SEMA5A: variants seen among roughly 807,000 people sequenced by gnomAD.
The protein encoded by SEMA5A is semaphorin-5A.
A neutral mutation model predicts 135.5 loss-of-function variants in SEMA5A; 55 were observed. That is an observed-to-expected ratio of 0.41 (90% CI 0.33 to 0.51). SEMA5A has a LOEUF of 0.51. Among genes scored for constraint, SEMA5A ranks in the 20% least tolerant of loss-of-function variants. SEMA5A has a pLI of 0.37. For synonymous variants in SEMA5A, 580 were observed against 546.5 expected (o/e 1.06, Z -0.85); for missense variants, 1,290 against 1,419.9 (o/e 0.91, Z 1.47).
intron 16 of SEMA5A, among the ~76,000 whole-genome samples, chr5:9,066,936 A>T (rs1009744709): frequency 2.0e-5 from 3 of 152,132 alleles, no homozygotes; most frequent in African/African-American, 7.2e-5. Flanking sequence ...ATCCCATAAA[A>T]ATCGTCTTCC....
At chr5:9,118,486 G>A (rs928738109) in intron 15 of SEMA5A, among the ~76,000 whole-genome samples, 3 of 152,066 alleles carry the variant, frequency 2.0e-5, no homozygotes, top group Admixed American at 2.0e-4. Context: ...GTGGAAAAGA[G>A]CCCCCAATTT....
At chr5:9,399,760 G>A (rs900056909) in intron 2 of SEMA5A, among the ~76,000 whole-genome samples, 6 of 152,106 alleles carry the variant, frequency 3.9e-5, no homozygotes, top group Non-Finnish European at 8.8e-5. Context: ...GGGGCCTTGA[G>A]GGGAACTTCT....
chr5:9,536,427 A>G (rs1051967222), intron 1 of SEMA5A, among the ~76,000 whole-genome samples: 1 of 152,052 alleles, frequency 6.6e-6, no homozygotes, highest in Non-Finnish European at 1.5e-5. Flanking sequence ...AGCCTGACCA[A>G]CATGGTGAAA....
At chr5:9,447,583 TA>T (rs1399046451) in intron 1 of SEMA5A, among the ~76,000 whole-genome samples, 1 of 152,224 alleles carries the variant, frequency 6.6e-6, no homozygotes, top group African/African-American at 2.4e-5. Context: ...GAATTCCACC[TA>T]AACGTTTGTT....
intron 2 of SEMA5A, among the ~76,000 whole-genome samples, chr5:9,380,965 T>C (rs749451031): frequency 3.3e-5 from 5 of 152,036 alleles, no homozygotes; most frequent in Non-Finnish European, 5.9e-5. Context: ...AAAGGCACAT[T>C]GGAGGGGCAA....
intron 15 of SEMA5A, among the ~76,000 whole-genome samples, chr5:9,108,671 A>T (rs1052523987): frequency 4.6e-5 from 7 of 152,210 alleles, no homozygotes; most frequent in Non-Finnish European, 8.8e-5. Context: ...CAGATTACAG[A>T]TACAAAGTCA....
At chr5:9,178,465 C>T (rs1027046338) in intron 11 of SEMA5A, among the ~76,000 whole-genome samples, 6 of 151,580 alleles carry the variant, frequency 4.0e-5, no homozygotes, top group Non-Finnish European at 8.8e-5. Flanking sequence ...CTGAGTATCT[C>T]GGATCACAGG....
chr5:9,121,330 C>T (rs900157854), intron 14 of SEMA5A, among the ~76,000 whole-genome samples: 4 of 152,096 alleles, frequency 2.6e-5, no homozygotes, highest in South Asian at 2.1e-4. Context: ...GTCACTTTCA[C>T]GATTATTAGT....
At chr5:9,497,911 A>G (rs1359700012) in intron 1 of SEMA5A, among the ~76,000 whole-genome samples, 1 of 152,184 alleles carries the variant, frequency 6.6e-6, no homozygotes. Flanking sequence ...TTTCTAACTT[A>G]GTAAATTATG....
At chr5:9,247,781 C>T (rs886211722) in intron 5 of SEMA5A, among the ~76,000 whole-genome samples, 4 of 152,150 alleles carry the variant, frequency 2.6e-5, no homozygotes, top group East Asian at 1.9e-4. Flanking sequence ...AAAATGAACA[C>T]GAAAATTTGT....
intron 2 of SEMA5A, chr5:9,422,464 A>G (rs1265290893): frequency 1.3e-5 from 2 of 152,248 alleles, no homozygotes; most frequent in African/African-American, 2.4e-5. Context: ...TATATATAAA[A>G]TAAGTTGAAT....
chr5:9,495,592 A>G (rs1205335738), intron 1 of SEMA5A, among the ~76,000 whole-genome samples: 12 of 152,186 alleles, frequency 7.9e-5, no homozygotes, highest in African/African-American at 2.2e-4. Context: ...GGGAGTTTAC[A>G]TCATTGAATA....
intron 5 of SEMA5A, among the ~76,000 whole-genome samples, chr5:9,289,569 GCAGGAGAATCACTTGAACC>G (rs567804492): frequency 1.3e-5 from 2 of 151,922 alleles, no homozygotes; most frequent in South Asian, 2.1e-4. Context: ...GGAGGCTGAG[GCAGGAGAATCACTTGAACC>G]CAGGAGGTGG....
intron 2 of SEMA5A, among the ~76,000 whole-genome samples, chr5:9,412,364 C>T (rs1247703552): frequency 1.3e-5 from 2 of 151,860 alleles, no homozygotes. Flanking sequence ...ACCCAATAGA[C>T]TATGCATGAA....
chr5:9,147,045 CT>C (rs1463228730), intron 12 of SEMA5A, among the ~76,000 whole-genome samples: 1 of 152,178 alleles, frequency 6.6e-6, no homozygotes, highest in Non-Finnish European at 1.5e-5. Context: ...ACATTGTATG[CT>C]TTTTCCATTG....
At chr5:9,137,608 G>C (rs1405390823) in intron 12 of SEMA5A, among the ~76,000 whole-genome samples, 1 of 152,164 alleles carries the variant, frequency 6.6e-6, no homozygotes, top group Non-Finnish European at 1.5e-5. Flanking sequence ...AGGAAAGAGA[G>C]ACAATGCCAG....
At chr5:9,383,452 T>C (rs990192793) in intron 2 of SEMA5A, among the ~76,000 whole-genome samples, 2 of 152,136 alleles carry the variant, frequency 1.3e-5, no homozygotes, top group African/African-American at 4.8e-5. Flanking sequence ...GATGATGAAG[T>C]GGCAATCAAT....
At chr5:9,512,402 A>T (rs1736256713) in intron 1 of SEMA5A, among the ~76,000 whole-genome samples, 1 of 152,216 alleles carries the variant, frequency 6.6e-6, no homozygotes, top group South Asian at 2.1e-4. Context: ...TACTTTTCAA[A>T]TGAAGAAGCC....
At chr5:9,491,874 A>C (rs1342222768) in intron 1 of SEMA5A, among the ~76,000 whole-genome samples, 1 of 152,228 alleles carries the variant, frequency 6.6e-6, no homozygotes, top group African/African-American at 2.4e-5. Context: ...AGAAGGAACC[A>C]CAGATAAAAT....
Sources: allele counts gnomAD v4.1 joint callset (sites outside exome capture counted in the v4.1 genomes callset), GRCh38; gene constraint gnomAD v4.1.1; transcripts MANE v1.5; gene names NCBI Gene and HGNC (gene_info 2026-07-23, HGNC 2026-07-21).